NMRAL1: variants seen among roughly 807,000 people sequenced by gnomAD.
NMRAL1 encodes NmrA like redox sensor 1, also known as nmrA-like family domain-containing protein 1.
NMRAL1 carries 32 observed loss-of-function variants against 27.5 expected under a neutral mutation model. That is an observed-to-expected ratio of 1.16 (90% CI 0.88 to 1.56). The LOEUF is 1.56. Among genes scored for constraint, NMRAL1 ranks in the 40% most tolerant of loss-of-function variants. The pLI is 0.00. For missense variants in NMRAL1, 420 were observed against 392.0 expected (o/e 1.07, Z -0.60); for synonymous variants, 166 against 166.8 (o/e 1.00, Z 0.04).
intron 2 of NMRAL1, among the ~76,000 whole-genome samples, chr16:4,472,633 A>G (rs899643300): frequency 6.6e-6 from 1 of 151,580 alleles, no homozygotes; most frequent in African/African-American, 2.4e-5. Flanking sequence ...AGTCCCTGCT[A>G]CTCAGGAGGG....
In NMRAL1 at chr16:4,466,172, G is replaced by A. The variant is rs150141402; in HGVS notation, c.510C>T (p.Asp170=). 1.1e-4 allele frequency: 175 copies of A among 1,614,202 alleles called. No individual in the cohort carries two copies. The highest frequency in any genetic ancestry group is 9.9e-4 in the South Asian group (90 of 91,082). ...ACTTACTCAGCAAGTAGCTCTTTCC[G>A]TCTGGGGCTTTCTGGGGCAAGAAGT... ...LSHFLPQKAP[D]GKSYLLSLPT... is the part of the protein sequence containing the mutation. The change falls in exon 4 of 6, where the codon GAC becomes GAT. Residue 170 remains aspartate, a synonymous_variant. Coordinates refer to ENST00000283429, the MANE Select transcript of NMRAL1 (RefSeq NM_020677.6).
rs151279129 is a variant in NMRAL1, at chr16:4,466,167, T to C, written c.515A>G (p.Lys172Arg). Residue 172 changes from lysine to arginine, a missense_variant, in exon 4 of 6, where the codon AAG becomes AGG. Transcript: ENST00000283429. ...AGGGCACTTACTCAGCAAGTAGCTC[T>C]TTCCGTCTGGGGCTTTCTGGGGCAA... The part of the protein sequence containing the change: ...HFLPQKAPDG[K>R]SYLLSLPTGD... 232 of 1,614,188 alleles carry C rather than the reference T, an allele frequency of 1.4e-4. No individual in the cohort carries two copies. In the African/African-American group the frequency reaches 2.6e-3, roughly 18 times the overall value.
chr16:4,465,363 A>G (rs1428644546), intron 4 of NMRAL1, among the ~76,000 whole-genome samples: 1 of 152,160 alleles, frequency 6.6e-6, no homozygotes, highest in African/African-American at 2.4e-5. Context: ...AGCCAGAGGC[A>G]CCAACCCCTC....
chr16:4,470,161 CAAAAAAAAAAAAAAA>C (rs34104543), intron 2 of NMRAL1, among the ~76,000 whole-genome samples: 1 of 51,474 alleles, frequency 1.9e-5, no homozygotes, highest in Non-Finnish European at 4.8e-5. Flanking sequence ...GATTCCCTCT[CAAAAAAAAAAAAAAA>C]AAAAAAAAAA....
intron 1 of NMRAL1, 81 bp from the exon 2 acceptor site, chr16:4,474,247 T>C: frequency 1.9e-6 from 2 of 1,030,046 alleles, no homozygotes; most frequent in Middle Eastern, 2.0e-4. Context: ...CCATTGTCTA[T>C]GCATCGAGTA....
In NMRAL1 at chr16:4,469,156, A is replaced by G; in HGVS notation, c.279+71T>C. ...CTGCAGTGCTCCAACCTCCCTGCAG[A>G]GTCGGAGCTCCTCCCAGGCGCTCTG... On this transcript the variant is annotated intron_variant, in intron 3 of 5. Transcript: ENST00000283429. The G allele has an allele frequency of 5.2e-6, 5 of 968,456 alleles. No individual in the cohort carries two copies. The South Asian group carries it at 6.5e-5, about 13-fold the overall frequency. The allele number at this position is 968,456 out of a possible 1,614,324, so 60.0% of individuals were successfully genotyped here.
Sources: gnomAD v4.1 joint callset for allele counts (sites outside exome capture counted in the v4.1 genomes callset) on GRCh38, gnomAD v4.1.1 for gene constraint, MANE v1.5 for transcripts, NCBI Gene and HGNC (gene_info 2026-07-23, HGNC 2026-07-21) for gene names.